Variants in ATAD2B observed in about 807,000 individuals in gnomAD.
The protein encoded by ATAD2B is ATPase family AAA domain containing 2B, also known as ATPase family AAA domain-containing protein 2B.
ATAD2B carries 40 observed loss-of-function variants against 167.6 expected under a neutral mutation model. That is an observed-to-expected ratio of 0.24 (90% CI 0.19 to 0.31). The LOEUF (loss-of-function observed/expected upper bound fraction) is 0.31, where lower values mean the gene tolerates loss of function less well. ATAD2B is among the 10% of genes least tolerant of loss of function. ATAD2B has a pLI of 1.00. For missense variants in ATAD2B, 1,242 were observed against 1,757.2 expected (o/e 0.71, Z 5.24); for synonymous variants, 579 against 596.5 (o/e 0.97, Z 0.43).
In ATAD2B at chr2:23,926,914, C is replaced by T. The variant is rs1029000846; in HGVS notation, c.-144G>A. The stretch of plus-strand genomic sequence containing the variant: ...GGAGCGTGCGGAGCGCAGACGAGCA[C>T]AAGAGAGAGCCGGGCAGAGGAAGGG... On this transcript the variant is annotated 5_prime_UTR_variant, in exon 1 of 28. The change creates a new upstream start codon in the 5' untranslated region. Coordinates refer to ENST00000238789, the MANE Select transcript of ATAD2B (RefSeq NM_017552.4). 38 of 1,006,034 alleles carry T rather than the reference C, an allele frequency of 3.8e-5. No homozygotes were observed. The highest frequency in any genetic ancestry group is 8.7e-5 in the African/African-American group (5 of 57,800). 62.3% of individuals were successfully genotyped at this position (1,006,034 alleles called of 1,614,324 possible). A position where few individuals can be genotyped will look rare whatever the true frequency, so the allele number is the denominator to read the frequency against.
the ATAD2B span, among the ~76,000 whole-genome samples, chr2:23,702,114 C>T: frequency 8.5e-5 from 13 of 152,076 alleles, no homozygotes; most frequent in African/African-American, 1.4e-4. Context: ...TGAGCCATCG[C>T]GCCCAGCCCA....
At chr2:23,679,655 T>C in the ATAD2B span, among the ~76,000 whole-genome samples, 3 of 151,950 alleles carry the variant, frequency 2.0e-5, no homozygotes, top group African/African-American at 7.3e-5. Flanking sequence ...GTGTCGAAGA[T>C]AAAAATATGA....
intron 1 of ATAD2B, among the ~76,000 whole-genome samples, chr2:23,897,117 G>A (rs150239554): frequency 7.2e-5 from 11 of 152,234 alleles, no homozygotes; most frequent in Admixed American, 3.3e-4. Context: ...GCGAGACTCC[G>A]TCTCAAAAAA....
chr2:23,703,604 A>T, the ATAD2B span: 1 of 1,292,264 alleles, frequency 7.7e-7, no homozygotes, highest in Non-Finnish European at 1.0e-6. Flanking sequence ...CAGGCCAATC[A>T]GTCACTTGTT....
At position 23,875,078 on chromosome 2, in the gene ATAD2B, CA is replaced by C. The variant is rs200359131; in HGVS notation, c.977+750del. 1.4e-3 allele frequency among the ~76,000 whole-genome samples: 207 copies of C among 143,878 alleles called. 4 individuals carry two copies. In the East Asian group the frequency reaches 0.037, roughly 26 times the overall value. The allele number at this position is 143,878 out of a possible 152,430, so 94.4% of individuals were successfully genotyped here. On this transcript the variant is annotated intron_variant, in intron 8 of 27. Transcript: ENST00000238789. ...CTCAAAAAAAAAAAAAAAGGATAAT[CA>C]GGGGGAAAAAGTATCAAAGATTAAC... is the stretch of plus-strand genomic sequence containing the variant.
chr2:23,801,935 A>G (rs570617346), intron 18 of ATAD2B, among the ~76,000 whole-genome samples: 10 of 152,182 alleles, frequency 6.6e-5, no homozygotes, highest in Admixed American at 4.6e-4. Context: ...AATCTAGTGT[A>G]TTTTTAAACT....
At chr2:23,710,985 C>T in the ATAD2B span, among the ~76,000 whole-genome samples, 2 of 152,188 alleles carry the variant, frequency 1.3e-5, no homozygotes, top group Non-Finnish European at 2.9e-5. Context: ...GTGCTAAGCA[C>T]TGGCTGCGTG....
chr2:23,760,727 CACATAT>C (rs1558494240), intron 24 of ATAD2B, among the ~76,000 whole-genome samples: 3 of 137,940 alleles, frequency 2.2e-5, no homozygotes, highest in Non-Finnish European at 4.7e-5. Context: ...CACACACACA[CACATAT>C]ACACACACAC....
intron 26 of ATAD2B, 134 bp from the exon 27 acceptor site, chr2:23,754,441 G>A (rs1675716102): frequency 8.6e-7 from 1 of 1,156,598 alleles, no homozygotes; most frequent in Non-Finnish European, 1.2e-6. Flanking sequence ...AAGATTTGAG[G>A]GCTTAAAATC....
intron 23 of ATAD2B, among the ~76,000 whole-genome samples, 195 bp downstream of exon 23, chr2:23,765,311 C>A (rs1677260838): frequency 6.6e-6 from 1 of 152,156 alleles, no homozygotes; most frequent in Non-Finnish European, 1.5e-5. Context: ...CACTATCACA[C>A]TAAAACTTTC....
At chr2:23,921,847 T>G (rs369805652) in intron 1 of ATAD2B, among the ~76,000 whole-genome samples, 6 of 152,214 alleles carry the variant, frequency 3.9e-5, no homozygotes, top group African/African-American at 1.2e-4. Flanking sequence ...AAACTTGCTC[T>G]GTTCTGATGA....
At chr2:23,771,741 C>G (rs1259343967) in intron 22 of ATAD2B, among the ~76,000 whole-genome samples, 2 of 152,164 alleles carry the variant, frequency 1.3e-5, no homozygotes, top group African/African-American at 4.8e-5. Context: ...TCTATTGCGG[C>G]CCCTGTGTGA....
intron 13 of ATAD2B, among the ~76,000 whole-genome samples, chr2:23,847,682 T>A (rs1320564488): frequency 6.5e-4 from 93 of 143,744 alleles, no homozygotes; most frequent in South Asian, 2.9e-3. Flanking sequence ...GCTTTTGTTT[T>A]AAAAAAAAAA....
the ATAD2B span, among the ~76,000 whole-genome samples, chr2:23,716,438 A>ATTG: frequency 0.53 from 79,903 of 150,000 alleles, 22,663 homozygotes; most frequent in East Asian, 0.75. Flanking sequence ...GGGACCTTTC[A>ATTG]TTGTTGTTGT....
At chr2:23,904,585 GA>G (rs1701257380) in intron 1 of ATAD2B, among the ~76,000 whole-genome samples, 1 of 139,596 alleles carries the variant, frequency 7.2e-6, no homozygotes, top group African/African-American at 2.7e-5. Flanking sequence ...GCTTCTTATA[GA>G]AAAAAGGGAA....
At chr2:23,686,578 TGTCACGGGCATCAGAG>T in the ATAD2B span, among the ~76,000 whole-genome samples, 113 of 151,532 alleles carry the variant, frequency 7.5e-4, no homozygotes, top group African/African-American at 2.5e-3. Context: ...GGAGGTGAGG[TGTCACGGGCATCAGAG>T]GTCACGGGCA....
At chr2:23,829,335 C>A (rs997305160) in intron 14 of ATAD2B, among the ~76,000 whole-genome samples, 1 of 152,114 alleles carries the variant, frequency 6.6e-6, no homozygotes, top group African/African-American at 2.4e-5. Flanking sequence ...AAGTTATAGT[C>A]ATAATTTTAA....
At chr2:23,780,146 G>A (rs1194816637) in intron 22 of ATAD2B, among the ~76,000 whole-genome samples, 1 of 151,968 alleles carries the variant, frequency 6.6e-6, no homozygotes, top group Non-Finnish European at 1.5e-5. Flanking sequence ...CTACCAGGAG[G>A]CTAGGGTGGG....
chr2:23,765,528 A>T lies in ATAD2B; in HGVS notation c.3234T>A (p.Ile1078=), dbSNP rs1225948170. 6.3e-7 allele frequency: 1 copy of T among 1,591,604 alleles called. No individual in the cohort carries two copies. The highest frequency in any genetic ancestry group is 8.6e-7 in the Non-Finnish European group (1 of 1,166,226). The change falls in exon 23 of 28, where the codon ATT becomes ATA. Residue 1078 remains isoleucine, a synonymous_variant. Transcript: ENST00000238789. ...TACCTCTTTTTATTCTTGCTTCCTT[A>T]ATTTCCTCACAAAGTTTATTAAATT... ...DPEFNKLCEE[I]KEARIKRGLS...
Sources: gnomAD v4.1 joint callset for allele counts (sites outside exome capture counted in the v4.1 genomes callset) on GRCh38, gnomAD v4.1.1 for gene constraint, MANE v1.5 for transcripts, NCBI Gene and HGNC (gene_info 2026-07-23, HGNC 2026-07-21) for gene names.